Variants in SDK1 observed in about 807,000 individuals in gnomAD.
SDK1 encodes sidekick cell adhesion molecule 1.
In SDK1, 157 loss-of-function variants were observed where a neutral mutation model predicts 245.5. That is an observed-to-expected ratio of 0.64 (90% CI 0.56 to 0.73). The LOEUF is 0.73. SDK1 is among the 30% of genes least tolerant of loss of function. The pLI is 0.00. For synonymous variants in SDK1, 1,647 were observed against 1,278.5 expected, an observed-to-expected ratio of 1.29 and a Z score of -6.15; for missense variants, 3,583 against 3,002.3, an observed-to-expected ratio of 1.19 and a Z score of -4.52.
At chr7:3,968,348 C>T (rs1055396107) in intron 10 of SDK1, among the ~76,000 whole-genome samples, 3 of 152,184 alleles carry the variant, frequency 2.0e-5, no homozygotes, top group African/African-American at 7.2e-5. Context: ...CTGTGCTTAG[C>T]CTTGTTGATT....
intron 1 of SDK1, among the ~76,000 whole-genome samples, chr7:3,547,029 T>TA (rs1779246147): frequency 6.6e-6 from 1 of 152,198 alleles, no homozygotes; most frequent in Admixed American, 6.5e-5. Context: ...ATCTTAAGAT[T>TA]AAAAAATGTA....
At chr7:3,862,973 G>A (rs1780732529) in intron 5 of SDK1, among the ~76,000 whole-genome samples, 1 of 152,168 alleles carries the variant, frequency 6.6e-6, no homozygotes, top group African/African-American at 2.4e-5. Context: ...CTGACAGGAG[G>A]GGGAGCTCAG....
chr7:3,880,153 G>A (rs1388004352), intron 5 of SDK1, among the ~76,000 whole-genome samples: 1 of 152,218 alleles, frequency 6.6e-6, no homozygotes, highest in African/African-American at 2.4e-5. Context: ...TGAACATAAT[G>A]CTCGCCGCAC....
chr7:3,486,684 C>T (rs763433578), intron 1 of SDK1, among the ~76,000 whole-genome samples: 2 of 151,848 alleles, frequency 1.3e-5, no homozygotes, highest in Non-Finnish European at 2.9e-5. Context: ...CGTTAAATTT[C>T]AATAGGTAGA....
intron 1 of SDK1, among the ~76,000 whole-genome samples, chr7:3,594,685 T>C (rs1345991818): frequency 6.6e-6 from 1 of 152,234 alleles, no homozygotes; most frequent in African/African-American, 2.4e-5. Flanking sequence ...GATTTTAATT[T>C]TCCCAGTGAC....
chr7:3,998,615 C>T (rs1181733050), intron 14 of SDK1, among the ~76,000 whole-genome samples: 5 of 152,192 alleles, frequency 3.3e-5, no homozygotes, highest in South Asian at 2.1e-4. Flanking sequence ...CTCTGAGGGA[C>T]GTGGTCTTCA....
chr7:3,819,477 C>CA (rs144485540), intron 4 of SDK1, among the ~76,000 whole-genome samples: 15,059 of 151,682 alleles, frequency 0.099, 927 homozygotes, highest in Non-Finnish European at 0.14. Flanking sequence ...AATCAGATGT[C>CA]AAAGAAAAAG....
chr7:3,926,954 C>G (rs763776661), intron 5 of SDK1, among the ~76,000 whole-genome samples: 2 of 152,230 alleles, frequency 1.3e-5, no homozygotes, highest in Non-Finnish European at 2.9e-5. Context: ...TAATAAAAGT[C>G]TGCTCCAGTA....
chr7:3,605,205 C>A (rs949899071), intron 1 of SDK1, among the ~76,000 whole-genome samples: 1 of 150,578 alleles, frequency 6.6e-6, no homozygotes, highest in Non-Finnish European at 1.5e-5. Context: ...TGTTTTCCAC[C>A]TTGTGGTTTT....
intron 38 of SDK1, among the ~76,000 whole-genome samples, chr7:4,218,513 T>A (rs190700497): frequency 6.6e-6 from 1 of 152,310 alleles, no homozygotes; most frequent in East Asian, 1.9e-4. Context: ...ATGTTGGAGA[T>A]TTTTAGGATA....
In SDK1 at chr7:3,558,712, G is replaced by T. The variant is rs147897177; in HGVS notation, c.299-60368G>T. ...ATTATCAAGTCAAGATATCTAAATG[G>T]CAGTTAAATCATGAACATAAAAATA... On this transcript the variant is annotated intron_variant, in intron 1 of 44. Coordinates refer to ENST00000404826, the MANE Select transcript of SDK1 (RefSeq NM_152744.4). Among the ~76,000 whole-genome samples the T allele has an allele frequency of 1.1e-3, 162 of 152,324 alleles. 1 individual carries two copies. The highest frequency in any genetic ancestry group is 3.7e-3 in the African/African-American group (154 of 41,574).
chr7:4,213,143 G>C (rs1233045899), intron 38 of SDK1, among the ~76,000 whole-genome samples: 1 of 152,190 alleles, frequency 6.6e-6, no homozygotes, highest in Non-Finnish European at 1.5e-5. Context: ...GCTGGGTGCA[G>C]TGGCTCACAC....
At chr7:3,884,504 C>G (rs9655007) in intron 5 of SDK1, among the ~76,000 whole-genome samples, 1 of 152,080 alleles carries the variant, frequency 6.6e-6, no homozygotes, top group African/African-American at 2.4e-5. Flanking sequence ...GAGCAGTTAG[C>G]GCCGTTTCTC....
chr7:3,580,702 C>G (rs571083842), intron 1 of SDK1, among the ~76,000 whole-genome samples: 4 of 152,108 alleles, frequency 2.6e-5, no homozygotes, highest in African/African-American at 9.7e-5. Context: ...GGCGTGGTGG[C>G]TCACGCCTGT....
chr7:3,560,483 GA>G (rs2128625932), intron 1 of SDK1, among the ~76,000 whole-genome samples: 1 of 152,154 alleles, frequency 6.6e-6, no homozygotes, highest in East Asian at 1.9e-4. Context: ...TTTGACTTGA[GA>G]ATATATCTGG....
At chr7:3,323,128 C>T (rs934599274) in intron 1 of SDK1, among the ~76,000 whole-genome samples, 18 of 152,064 alleles carry the variant, frequency 1.2e-4, no homozygotes, top group African/African-American at 3.6e-4. Flanking sequence ...TTTGCAGGTC[C>T]CTTTAACTGT....
At chr7:3,562,769 C>T (rs998869432) in intron 1 of SDK1, among the ~76,000 whole-genome samples, 4 of 152,070 alleles carry the variant, frequency 2.6e-5, no homozygotes, top group African/African-American at 9.7e-5. Flanking sequence ...TATTTCCAGC[C>T]CAATTGTCAC....
intron 5 of SDK1, among the ~76,000 whole-genome samples, chr7:3,848,821 G>A (rs992497985): frequency 5.3e-5 from 8 of 152,008 alleles, no homozygotes; most frequent in Non-Finnish European, 1.0e-4. Context: ...ACAGGCGTGC[G>A]TCACCATGCC....
intron 14 of SDK1, among the ~76,000 whole-genome samples, chr7:3,993,060 T>A (rs1006639735): frequency 1.3e-5 from 2 of 152,228 alleles, no homozygotes; most frequent in African/African-American, 4.8e-5. Context: ...ACAACTAAAA[T>A]CTTTGATACA....
Sources: allele counts gnomAD v4.1 joint callset (sites outside exome capture counted in the v4.1 genomes callset), GRCh38; gene constraint gnomAD v4.1.1; transcripts MANE v1.5; gene names NCBI Gene and HGNC (gene_info 2026-07-23, HGNC 2026-07-21).